Variants in TRAPPC9 observed in about 807,000 individuals in gnomAD.
TRAPPC9 encodes trafficking protein particle complex subunit 9.
TRAPPC9 carries 83 observed loss-of-function variants against 124.0 expected under a neutral mutation model. The observed-to-expected ratio is 0.67, with a 90% CI of 0.56 to 0.80. TRAPPC9 has a LOEUF of 0.80. Ranked by LOEUF, TRAPPC9 falls within the 30% of genes least tolerant of loss-of-function variation. The probability of loss-of-function intolerance (pLI) is 0.00; values close to 1 mark genes in which losing one functional copy is unlikely to be tolerated. For synonymous variants in TRAPPC9, 638 were observed against 617.5 expected, an observed-to-expected ratio of 1.03 and a Z score of -0.49; for missense variants, 1,302 against 1,508.3, an observed-to-expected ratio of 0.86 and a Z score of 2.27.
intron 21 of TRAPPC9, among the ~76,000 whole-genome samples, chr8:139,792,797 T>C (rs1485205680): frequency 6.6e-6 from 1 of 152,220 alleles, no homozygotes; most frequent in African/African-American, 2.4e-5. Context: ...GGAGCAATAG[T>C]GCTGCTATCT....
chr8:139,932,564 A>C (rs1244782135), intron 19 of TRAPPC9: 1 of 453,932 alleles, frequency 2.2e-6, no homozygotes, highest in East Asian at 6.9e-5. Context: ...GGAGTTCGAG[A>C]CCAGCCTGGA....
At chr8:140,335,219 T>C (rs2067002551) in intron 9 of TRAPPC9, among the ~76,000 whole-genome samples, 1 of 152,004 alleles carries the variant, frequency 6.6e-6, no homozygotes, top group South Asian at 2.1e-4. Context: ...CCGGCCGCAA[T>C]GTGACGCACA....
intron 19 of TRAPPC9, among the ~76,000 whole-genome samples, chr8:139,960,970 C>T (rs1835340801): frequency 8.0e-6 from 1 of 125,364 alleles, no homozygotes; most frequent in Non-Finnish European, 1.9e-5. Flanking sequence ...TCCCCAATAC[C>T]AAGTTCCATA....
chr8:139,904,184 G>C (rs1831196854), intron 20 of TRAPPC9, among the ~76,000 whole-genome samples: 2 of 152,306 alleles, frequency 1.3e-5, no homozygotes, highest in Non-Finnish European at 1.5e-5. Context: ...ACGGCTGTTG[G>C]ATGAACAGGA....
chr8:140,295,911 A>G (rs1380835647), intron 11 of TRAPPC9, among the ~76,000 whole-genome samples: 1 of 152,246 alleles, frequency 6.6e-6, no homozygotes, highest in Non-Finnish European at 1.5e-5. Context: ...ATTTTGGCTG[A>G]AACTTGCGTT....
intron 21 of TRAPPC9, among the ~76,000 whole-genome samples, chr8:139,878,857 G>A (rs569309080): frequency 3.9e-5 from 6 of 152,376 alleles, no homozygotes; most frequent in African/African-American, 1.2e-4. Context: ...TGGTTGAAGC[G>A]AGAGGATCGC....
At chr8:139,737,675 A>T (rs1818291911) in intron 21 of TRAPPC9, among the ~76,000 whole-genome samples, 1 of 152,128 alleles carries the variant, frequency 6.6e-6, no homozygotes, top group South Asian at 2.1e-4. Context: ...CTTGTCGAGG[A>T]GCTGTTAGCA....
chr8:139,852,029 G>T (rs1337480503), intron 21 of TRAPPC9, among the ~76,000 whole-genome samples: 1 of 152,170 alleles, frequency 6.6e-6, no homozygotes, highest in Non-Finnish European at 1.5e-5. Flanking sequence ...GAGAGTCCCC[G>T]TGGGAGGTAA....
intron 17 of TRAPPC9, among the ~76,000 whole-genome samples, chr8:140,033,673 T>TTTTTTG (rs1563706828): frequency 7.4e-4 from 57 of 76,748 alleles, no homozygotes; most frequent in Middle Eastern, 7.4e-3. Context: ...TTTTTTTTTT[T>TTTTTTG]TTTTTTTTTT....
intron 9 of TRAPPC9, among the ~76,000 whole-genome samples, chr8:140,334,200 T>C (rs1420708526): frequency 2.0e-5 from 3 of 152,180 alleles, no homozygotes; most frequent in East Asian, 1.9e-4. Context: ...ATCTTGAATA[T>C]CCACCCTCTA....
chr8:140,322,026 AC>A (rs2131947292), intron 9 of TRAPPC9, among the ~76,000 whole-genome samples: 1 of 151,352 alleles, frequency 6.6e-6, no homozygotes, highest in East Asian at 1.9e-4. Flanking sequence ...GCTTGAAGAA[AC>A]CCCTCCAAGG....
chr8:139,950,320 G>A (rs1542502), intron 19 of TRAPPC9, among the ~76,000 whole-genome samples: 32,328 of 152,188 alleles, frequency 0.21, 3,513 homozygotes, highest in Middle Eastern at 0.34. Flanking sequence ...GCTTTTTATC[G>A]CTTGCCTACG....
chr8:140,294,022 C>T (rs918340364), intron 11 of TRAPPC9, among the ~76,000 whole-genome samples: 1 of 152,062 alleles, frequency 6.6e-6, no homozygotes, highest in Non-Finnish European at 1.5e-5. Flanking sequence ...AAATGTTATG[C>T]CCGTTCTACA....
chr8:139,775,456 G>C (rs949246476), intron 21 of TRAPPC9, among the ~76,000 whole-genome samples: 3 of 152,224 alleles, frequency 2.0e-5, no homozygotes, highest in African/African-American at 2.4e-5. Context: ...CCTTTGGCCT[G>C]GGCTGGGCCC....
chr8:139,757,730 G>T (rs1055300782), intron 21 of TRAPPC9, among the ~76,000 whole-genome samples: 1 of 152,118 alleles, frequency 6.6e-6, no homozygotes, highest in African/African-American at 2.4e-5. Flanking sequence ...CTTGAGGCCT[G>T]GTCTCTTGGG....
At chr8:140,272,121 T>A (rs1423300080) in intron 15 of TRAPPC9, among the ~76,000 whole-genome samples, 1 of 139,130 alleles carries the variant, frequency 7.2e-6, no homozygotes, top group Non-Finnish European at 1.5e-5. Context: ...GTGGCAATGG[T>A]GATGGTGGCG....
chr8:140,253,065 T>A, intron 15 of TRAPPC9, 136 bp from the exon 16 acceptor site: 1 of 887,426 alleles, frequency 1.1e-6, no homozygotes, highest in Non-Finnish European at 1.7e-6. Flanking sequence ...AAGATCAAAG[T>A]GACAAGAACA....
rs765656679 is a variant in TRAPPC9 at position 140,018,324 on chromosome 8, A to ATTTTTTCTTTTTTCTTTTTTTTTT, written c.2699+5612_2699+5613insAAAAAAAAAAGAAAAAAGAAAAAA. Among the ~76,000 whole-genome samples, 1,014 of 119,606 alleles carry ATTTTTTCTTTTTTCTTTTTTTTTT rather than the reference A, an allele frequency of 8.5e-3. 76 individuals carry two copies. Among genetic ancestry groups the ATTTTTTCTTTTTTCTTTTTTTTTT allele is most frequent in the African/African-American group, 0.032 (964 of 30,522 alleles). The allele number at this position is 119,606 out of a possible 152,430, so 78.5% of individuals were successfully genotyped here. ...TTGCTGGTATATAGAAACGTAAGTG[A>ATTTTTTCTTTTTTCTTTTTTTTTT]TTTTTTTTTTTTTTTTTGAGACGGA... On this transcript the variant is annotated intron_variant, in intron 18 of 22. Coordinates refer to ENST00000438773, the MANE Select transcript of TRAPPC9 (RefSeq NM_001160372.4).
At chr8:140,281,086 G>A (rs961008167) in intron 14 of TRAPPC9, among the ~76,000 whole-genome samples, 1 of 152,224 alleles carries the variant, frequency 6.6e-6, no homozygotes, top group Non-Finnish European at 1.5e-5. Context: ...TGTGAACGAT[G>A]CTGCTATGAA....
Sources: allele counts gnomAD v4.1 joint callset (sites outside exome capture counted in the v4.1 genomes callset), GRCh38; gene constraint gnomAD v4.1.1; transcripts MANE v1.5; gene names NCBI Gene and HGNC (gene_info 2026-07-23, HGNC 2026-07-21).